PRKN: variants seen among roughly 807,000 people sequenced by gnomAD.
The protein encoded by PRKN is E3 ubiquitin-protein ligase parkin.
A neutral mutation model predicts 59.5 loss-of-function variants in PRKN; 56 were observed. The observed-to-expected ratio is 0.94, with a 90% confidence interval of 0.76 to 1.18. PRKN has a LOEUF of 1.18. PRKN is among the 50% of genes most tolerant of loss of function. The pLI, the probability that PRKN is intolerant of heterozygous loss-of-function variation, is 0.00. For synonymous variants in PRKN, 250 were observed against 222.1 expected, an observed-to-expected ratio of 1.13 and a Z score of -1.12; for missense variants, 657 against 596.4, an observed-to-expected ratio of 1.10 and a Z score of -1.06.
At chr6:162,692,479 G>A (rs1039549324) in intron 1 of PRKN, among the ~76,000 whole-genome samples, 1 of 152,056 alleles carries the variant, frequency 6.6e-6, no homozygotes, top group Non-Finnish European at 1.5e-5. Context: ...CAGGGCCCTA[G>A]GTCACACTGT....
rs192979076 is a variant in PRKN, at chr6:161,400,213, C to A, written c.1084-13336G>T. On this transcript the variant is annotated intron_variant, in intron 9 of 11. Coordinates refer to ENST00000366898, the MANE Select transcript of PRKN (RefSeq NM_004562.3). The surrounding 1 kb of genome is among the most constrained non-coding windows in gnomAD (Gnocchi z 4.2). ...CACGATGCAGAGTTCAGTTAAGGGT[C>A]CACAGAACAAAAGCGACAGAACACC... Among the ~76,000 whole-genome samples the A allele has an allele frequency of 3.8e-3, 578 of 152,122 alleles. 3 individuals are homozygous for A. The highest frequency in any genetic ancestry group is 6.0e-3 in the Non-Finnish European group (409 of 68,002).
chr6:162,430,655 C>A (rs559793592), intron 2 of PRKN, among the ~76,000 whole-genome samples: 1 of 151,980 alleles, frequency 6.6e-6, no homozygotes, highest in South Asian at 2.1e-4. Flanking sequence ...TAAGTCATAT[C>A]ATTGATCCTA....
intron 6 of PRKN, among the ~76,000 whole-genome samples, chr6:161,824,142 C>T (rs567871780): frequency 6.6e-6 from 1 of 152,162 alleles, no homozygotes; most frequent in Non-Finnish European, 1.5e-5. Context: ...TGTGTCCACA[C>T]ACCCACCCAA....
chr6:161,917,488 A>G (rs1415042667), intron 6 of PRKN, among the ~76,000 whole-genome samples: 1 of 152,150 alleles, frequency 6.6e-6, no homozygotes, highest in Non-Finnish European at 1.5e-5. Context: ...TTTAAAAGCA[A>G]TTTTGGCATT....
intron 4 of PRKN, among the ~76,000 whole-genome samples, chr6:162,093,861 C>G (rs576499983): frequency 6.6e-6 from 1 of 152,184 alleles, no homozygotes; most frequent in Admixed American, 6.5e-5. Flanking sequence ...CTGCACCTCA[C>G]CTCGTGCTGA....
intron 6 of PRKN, among the ~76,000 whole-genome samples, chr6:161,893,190 C>G (rs1427507253): frequency 6.6e-6 from 1 of 152,160 alleles, no homozygotes; most frequent in African/African-American, 2.4e-5. Context: ...TTTATACATT[C>G]CCCTTTTATA....
chr6:161,374,316 T>G (rs12203386), intron 10 of PRKN, among the ~76,000 whole-genome samples: 55,384 of 151,054 alleles, frequency 0.37, 10,337 homozygotes, highest in Non-Finnish European at 0.4. Context: ...GCGCGTGTGT[T>G]GTGTGTGTAA....
At chr6:161,845,265 G>T (rs1229407513) in intron 6 of PRKN, among the ~76,000 whole-genome samples, 1 of 152,286 alleles carries the variant, frequency 6.6e-6, no homozygotes, top group Non-Finnish European at 1.5e-5. Flanking sequence ...CCTCTAGGCT[G>T]GTGGCGTCTG....
At chr6:162,244,385 A>T (rs527842236) in intron 3 of PRKN, among the ~76,000 whole-genome samples, 219 of 152,196 alleles carry the variant, frequency 1.4e-3, no homozygotes, top group African/African-American at 5.1e-3. Context: ...CAGGGAAAAA[A>T]AAAGCTTTAG....
chr6:162,003,475 C>T (rs1477782246), intron 5 of PRKN, among the ~76,000 whole-genome samples: 2 of 152,114 alleles, frequency 1.3e-5, no homozygotes, highest in East Asian at 1.9e-4. Flanking sequence ...GCCCCATAGC[C>T]TTGGCTCACT....
intron 7 of PRKN, among the ~76,000 whole-genome samples, chr6:161,610,375 G>A (rs906276490): frequency 1.1e-4 from 17 of 151,758 alleles, no homozygotes; most frequent in East Asian, 5.8e-4. Context: ...TAAAAATTAC[G>A]GGCAAAACAG....
chr6:161,456,563 C>T lies in PRKN; in HGVS notation c.1084-69686G>A, dbSNP rs770980967. On this transcript the variant is annotated intron_variant, in intron 9 of 11. Coordinates refer to ENST00000366898, the MANE Select transcript of PRKN (RefSeq NM_004562.3). This position sits in a 1 kb window ranked among gnomAD's most constrained non-coding sequence, Gnocchi z 4.8. ...TGAGTCAATTCTCCTTAATAAATGC[C>T]CCTTCATATATTCATCTATCCAATT... Among the ~76,000 whole-genome samples the T allele has an allele frequency of 1.7e-4, 26 of 151,960 alleles. No homozygotes were observed. The highest frequency in any genetic ancestry group is 3.9e-4 in the Admixed American group (6 of 15,256).
Position 161,466,652 on chromosome 6 carries a change from G to A in PRKN, c.1084-79775C>T, listed in dbSNP as rs944710169. Reference sequence around the variant, plus strand: ...GGTAAGGACTGCACTCAAAGTAACAGGAGGGCCTAACCTTAAATAAATATG... The same window carrying A: ...GGTAAGGACTGCACTCAAAGTAACAAGAGGGCCTAACCTTAAATAAATATG... On this transcript the variant is annotated intron_variant, in intron 9 of 11. Coordinates refer to ENST00000366898, the MANE Select transcript of PRKN (RefSeq NM_004562.3). The surrounding 1 kb of genome is among the most constrained non-coding windows in gnomAD (Gnocchi z 5.0). Among the ~76,000 whole-genome samples, 1 of 152,160 alleles carries A rather than the reference G, an allele frequency of 6.6e-6. No homozygotes were observed. Among genetic ancestry groups the A allele is most frequent in the African/African-American group, 2.4e-5 (1 of 41,428 alleles).
In PRKN at chr6:162,675,451, G is replaced by C. The variant is rs1008646572; in HGVS notation, c.7+52211C>G. On this transcript the variant is annotated intron_variant, in intron 1 of 11. Transcript: ENST00000366898. Reference sequence around the variant, plus strand: ...GACACAGAAGCTCAGAACGTGGATTGAGAGGTCATCTGTGTAATAGATGAC... The same window carrying C: ...GACACAGAAGCTCAGAACGTGGATTCAGAGGTCATCTGTGTAATAGATGAC... Among the ~76,000 whole-genome samples, 11 of 152,146 alleles carry C rather than the reference G, an allele frequency of 7.2e-5. 1 individual carries two copies. The highest frequency in any genetic ancestry group is 2.1e-4 in the South Asian group (1 of 4,828).
intron 6 of PRKN, among the ~76,000 whole-genome samples, chr6:161,836,972 C>A (rs1489500913): frequency 6.6e-6 from 1 of 152,176 alleles, no homozygotes; most frequent in Non-Finnish European, 1.5e-5. Flanking sequence ...TTTTATGCCT[C>A]TCGTTTTCGC....
At chr6:162,526,316 T>TA (rs34844863) in intron 1 of PRKN, among the ~76,000 whole-genome samples, 12,606 of 111,488 alleles carry the variant, frequency 0.11, 662 homozygotes, top group Middle Eastern at 0.21. Context: ...TCATTAGAAG[T>TA]AAAAAAAAAA....
intron 6 of PRKN, among the ~76,000 whole-genome samples, chr6:161,953,434 G>A (rs907840561): frequency 1.3e-5 from 2 of 152,090 alleles, no homozygotes; most frequent in Non-Finnish European, 2.9e-5. Context: ...TATTTTTTAA[G>A]ACAAATATCC....
intron 5 of PRKN, among the ~76,000 whole-genome samples, chr6:162,049,487 T>C (rs2128284141): frequency 6.6e-6 from 1 of 152,248 alleles, no homozygotes; most frequent in East Asian, 1.9e-4. Context: ...AAACCTTCAG[T>C]CCCTTCACTT....
chr6:162,678,002 T>A (rs1454805521), intron 1 of PRKN, among the ~76,000 whole-genome samples: 1 of 152,182 alleles, frequency 6.6e-6, no homozygotes, highest in Non-Finnish European at 1.5e-5. Flanking sequence ...CACTCACCCA[T>A]TTGAATTACA....
Sources: allele counts gnomAD v4.1 joint callset (sites outside exome capture counted in the v4.1 genomes callset), GRCh38; gene constraint gnomAD v4.1.1; non-coding constraint Gnocchi (gnomAD v3.1); transcripts MANE v1.5; gene names NCBI Gene and HGNC (gene_info 2026-07-23, HGNC 2026-07-21).